The following SEMA3A variants were observed in gnomAD, a reference collection of about 807,000 sequenced individuals.
The protein encoded by SEMA3A is semaphorin-3A.
A neutral mutation model predicts 97.9 loss-of-function variants in SEMA3A; 29 were observed. That is an observed-to-expected ratio of 0.30 (90% CI 0.22 to 0.40). The LOEUF (loss-of-function observed/expected upper bound fraction) is 0.40, where lower values mean the gene tolerates loss of function less well. Among genes scored for constraint, SEMA3A ranks in the 10% least tolerant of loss-of-function variants. SEMA3A has a pLI of 1.00. For missense variants in SEMA3A, 763 were observed against 951.3 expected (o/e 0.80, Z 2.60); for synonymous variants, 321 against 323.7 (o/e 0.99, Z 0.09).
chr7:84,005,368 C>T lies in SEMA3A; in HGVS notation c.1331G>A (p.Gly444Glu). ...IVVDRVDAED[G>E]QYDVMFIGTD... is the part of the protein sequence containing the mutation. The stretch of plus-strand genomic sequence containing the variant: ...TCCGATAAACATAACATCATACTGT[C>T]CATCTTCTGCATCCACTCGGTCTAC... The change falls in exon 11 of 17, where the codon GGA becomes GAA. Residue 444 changes from glycine to glutamate, a missense_variant. Physicochemically the swap from Gly to Glu is moderately conservative, Grantham distance 98 (BLOSUM62 -2). Around this residue, in one of 2 missense-constraint regions of SEMA3A, gnomAD observed 678 missense variants for 881.3 expected, o/e 0.77. Coordinates refer to ENST00000265362, the MANE Select transcript of SEMA3A (RefSeq NM_006080.3). 3 of 1,613,442 alleles carry T rather than the reference C, an allele frequency of 1.9e-6. No homozygotes were observed. Among genetic ancestry groups the T allele is most frequent in the Non-Finnish European group, 2.5e-6 (3 of 1,179,542 alleles).
At chr7:84,384,182 C>T (rs1454658737) in intron 1 of SEMA3A, among the ~76,000 whole-genome samples, 1 of 152,020 alleles carries the variant, frequency 6.6e-6, no homozygotes, top group African/African-American at 2.4e-5. Flanking sequence ...TTTTTTATGA[C>T]ATTGGGAAAT....
chr7:84,187,493 A>G (rs1797922187), intron 1 of SEMA3A, among the ~76,000 whole-genome samples: 1 of 152,070 alleles, frequency 6.6e-6, no homozygotes, highest in Non-Finnish European at 1.5e-5. Flanking sequence ...TTAGCTGCAG[A>G]CTAACAAATA....
intron 2 of SEMA3A, among the ~76,000 whole-genome samples, chr7:84,368,047 T>C (rs1228864): frequency 0.53 from 80,437 of 150,910 alleles, 22,935 homozygotes; most frequent in East Asian, 0.91. Context: ...AACTTGAGTA[T>C]ATAAGTGAGC....
At chr7:84,080,208 G>T (rs1394818101) in intron 4 of SEMA3A, among the ~76,000 whole-genome samples, 1 of 94,804 alleles carries the variant, frequency 1.1e-5, no homozygotes, top group Admixed American at 1.2e-4. Flanking sequence ...GTTGTGGGGT[G>T]GGGGGAGGGG....
At chr7:84,401,284 G>A (rs1345302249) in intron 1 of SEMA3A, among the ~76,000 whole-genome samples, 2 of 151,622 alleles carry the variant, frequency 1.3e-5, no homozygotes, top group Admixed American at 6.6e-5. Context: ...AAAATACCTG[G>A]GAATAAATTT....
chr7:84,401,648 C>A (rs1277755319), intron 1 of SEMA3A, among the ~76,000 whole-genome samples: 1 of 152,092 alleles, frequency 6.6e-6, no homozygotes, highest in Non-Finnish European at 1.5e-5. Context: ...ATGGTACCAG[C>A]ATAAAAGCAG....
At chr7:84,058,480 G>T (rs1040264894) in intron 5 of SEMA3A, among the ~76,000 whole-genome samples, 1 of 152,142 alleles carries the variant, frequency 6.6e-6, no homozygotes, top group Non-Finnish European at 1.5e-5. Flanking sequence ...ATAAGAGGAA[G>T]AATTTATAGC....
intron 1 of SEMA3A, among the ~76,000 whole-genome samples, chr7:84,398,590 T>G (rs1365996129): frequency 6.6e-6 from 1 of 151,768 alleles, no homozygotes; most frequent in Non-Finnish European, 1.5e-5. Flanking sequence ...AGACTCTGTC[T>G]CTACAATTTT....
intron 4 of SEMA3A, among the ~76,000 whole-genome samples, chr7:84,065,733 C>T (rs1054472072): frequency 1.1e-4 from 17 of 152,142 alleles, no homozygotes; most frequent in Admixed American, 5.2e-4. Context: ...GAAGTTGAAT[C>T]TCTGAGTAGA....
chr7:84,384,175 T>C (rs1176780743), intron 1 of SEMA3A, among the ~76,000 whole-genome samples: 1 of 152,158 alleles, frequency 6.6e-6, no homozygotes, highest in Admixed American at 6.5e-5. Context: ...GGATCACTTT[T>C]TTATGACATT....
At chr7:84,062,220 G>C (rs1006224517) in intron 4 of SEMA3A, among the ~76,000 whole-genome samples, 2 of 152,078 alleles carry the variant, frequency 1.3e-5, no homozygotes, top group Admixed American at 6.5e-5. Context: ...TCCTAACATA[G>C]TGTCAAAGAA....
chr7:84,352,088 G>T (rs908379510), intron 2 of SEMA3A, among the ~76,000 whole-genome samples: 1 of 151,198 alleles, frequency 6.6e-6, no homozygotes, highest in African/African-American at 2.4e-5. Flanking sequence ...AACATGGATG[G>T]AACTGGAGGA....
chr7:84,219,949 C>T (rs1798838906), intron 3 of SEMA3A, among the ~76,000 whole-genome samples: 1 of 152,124 alleles, frequency 6.6e-6, no homozygotes, highest in African/African-American at 2.4e-5. Flanking sequence ...GTGGCTGTAG[C>T]AATTTCTTAA....
At chr7:84,046,658 T>G (rs1792366072) in intron 5 of SEMA3A, among the ~76,000 whole-genome samples, 1 of 151,804 alleles carries the variant, frequency 6.6e-6, no homozygotes, top group African/African-American at 2.4e-5. Flanking sequence ...TATTCACTGA[T>G]TTAGTGTATG....
Position 83,961,548 on chromosome 7 carries a change from G to C in SEMA3A, c.2139C>G (p.Pro713=), listed in dbSNP as rs2116247193. The change falls in exon 17 of 17, where the codon CCC becomes CCG. Residue 713 remains proline (P), a synonymous_variant. Transcript: ENST00000265362. ...AGAACTCATCCATTGTGTTGAGATT[G>C]GGGTGGTTGATGAGCTGCATGAAGT... ...YRDFMQLINH[P]NLNTMDEFCE... 1 of 1,614,036 alleles carries C rather than the reference G, an allele frequency of 6.2e-7. No homozygotes were observed. The highest frequency in any genetic ancestry group is 8.5e-7 in the Non-Finnish European group (1 of 1,179,930).
At chr7:84,064,348 T>G (rs199858967) in intron 4 of SEMA3A, among the ~76,000 whole-genome samples, 2,716 of 147,780 alleles carry the variant, frequency 0.018, 86 homozygotes, top group African/African-American at 0.064. Context: ...AGACTAGGAA[T>G]AAACTGCATC....
chr7:84,214,539 T>A (rs911770066), intron 3 of SEMA3A, among the ~76,000 whole-genome samples: 8 of 152,134 alleles, frequency 5.3e-5, no homozygotes, highest in African/African-American at 1.9e-4. Context: ...ACAGTTGAAT[T>A]ATATACAATG....
At chr7:84,221,940 T>TA (rs892810591) in intron 3 of SEMA3A, among the ~76,000 whole-genome samples, 230 of 150,978 alleles carry the variant, frequency 1.5e-3, no homozygotes, top group African/African-American at 4.8e-3. Context: ...CTTCAATTTG[T>TA]AAAAAAAAAC....
chr7:83,966,299 G>T (rs1788691709), intron 15 of SEMA3A, among the ~76,000 whole-genome samples: 1 of 152,174 alleles, frequency 6.6e-6, no homozygotes, highest in Non-Finnish European at 1.5e-5. Flanking sequence ...GATGGTGTTT[G>T]ATTTAGCAAT....
Sources: gnomAD v4.1 joint callset for allele counts (sites outside exome capture counted in the v4.1 genomes callset) on GRCh38, gnomAD v4.1.1 for gene constraint, gnomAD v4.1.1 regional missense constraint, MANE v1.5 for transcripts, NCBI Gene and HGNC (gene_info 2026-07-23, HGNC 2026-07-21) for gene names.